Variants in CYRIA observed in about 807,000 individuals in gnomAD.
The protein encoded by CYRIA is CYFIP related Rac1 interactor A.
Under a neutral mutation model 43.9 loss-of-function variants are expected in CYRIA, and 15 were observed. That is an observed-to-expected ratio of 0.34 (90% CI 0.23 to 0.53). The LOEUF is 0.53. Among genes scored for constraint, CYRIA ranks in the 20% least tolerant of loss-of-function variants. The pLI is 0.94. For missense variants in CYRIA, 236 were observed against 394.2 expected (o/e 0.60, Z 3.40); for synonymous variants, 117 against 136.0 (o/e 0.86, Z 0.97).
intron 2 of CYRIA, among the ~76,000 whole-genome samples, chr2:16,615,163 C>A (rs1397465605): frequency 1.3e-5 from 2 of 152,206 alleles, no homozygotes; most frequent in Non-Finnish European, 2.9e-5. Context: ...GAGCTTATTA[C>A]AAATGCAGTC....
At chr2:16,658,694 T>G (rs1215013923) in intron 1 of CYRIA, among the ~76,000 whole-genome samples, 1 of 152,224 alleles carries the variant, frequency 6.6e-6, no homozygotes, top group Non-Finnish European at 1.5e-5. Flanking sequence ...CTTTCTTTCC[T>G]TTCCTTTTTT....
chr2:16,661,258 G>A (rs1463172767), intron 1 of CYRIA, among the ~76,000 whole-genome samples: 2 of 152,134 alleles, frequency 1.3e-5, no homozygotes, highest in Non-Finnish European at 2.9e-5. Context: ...CTGGGTGACA[G>A]AGCAAGACCC....
chr2:16,659,717 A>G (rs1670198443), intron 1 of CYRIA, among the ~76,000 whole-genome samples: 2 of 152,218 alleles, frequency 1.3e-5, no homozygotes, highest in African/African-American at 4.8e-5. Flanking sequence ...TGTTGGGATA[A>G]GAGCTTGTCA....
intron 2 of CYRIA, among the ~76,000 whole-genome samples, chr2:16,613,000 G>A (rs1424147070): frequency 6.6e-6 from 1 of 152,186 alleles, no homozygotes; most frequent in Non-Finnish European, 1.5e-5. Flanking sequence ...GCCTGCTACC[G>A]TGTAAGATGT....
intron 1 of CYRIA, among the ~76,000 whole-genome samples, chr2:16,664,144 C>T (rs570780390): frequency 6.6e-6 from 1 of 152,206 alleles, no homozygotes; most frequent in East Asian, 1.9e-4. Flanking sequence ...AGGCAGTATG[C>T]GCCCACTATG....
chr2:16,647,991 C>T (rs915239660), intron 1 of CYRIA, among the ~76,000 whole-genome samples: 1 of 152,340 alleles, frequency 6.6e-6, no homozygotes, highest in Admixed American at 6.5e-5. Flanking sequence ...CCTGACCTCC[C>T]GGGCTGTAAA....
At chr2:16,610,151 T>C (rs1437830303) in intron 2 of CYRIA, among the ~76,000 whole-genome samples, 1 of 152,220 alleles carries the variant, frequency 6.6e-6, no homozygotes, top group African/African-American at 2.4e-5. Context: ...GCTAAATACA[T>C]ATAGTGTCAT....
chr2:16,569,495 T>G (rs1444731042), intron 3 of CYRIA, among the ~76,000 whole-genome samples: 1 of 152,180 alleles, frequency 6.6e-6, no homozygotes, highest in Non-Finnish European at 1.5e-5. Context: ...CTTCCTTCTT[T>G]CCTGTCATGA....
intron 1 of CYRIA, among the ~76,000 whole-genome samples, chr2:16,625,500 A>C (rs1178598219): frequency 6.6e-6 from 1 of 152,230 alleles, no homozygotes; most frequent in African/African-American, 2.4e-5. Flanking sequence ...GTGATTTCTG[A>C]GTGGACGTTA....
chr2:16,627,124 G>C (rs1669194731), intron 1 of CYRIA, among the ~76,000 whole-genome samples: 1 of 152,236 alleles, frequency 6.6e-6, no homozygotes, highest in African/African-American at 2.4e-5. Context: ...ATTCAGGGGA[G>C]GGCTAGGGAA....
intron 2 of CYRIA, among the ~76,000 whole-genome samples, chr2:16,605,008 A>G (rs1197427388): frequency 6.6e-6 from 1 of 152,248 alleles, no homozygotes; most frequent in Non-Finnish European, 1.5e-5. Context: ...CTCAAATGAG[A>G]AAATGCCTTG....
chr2:16,646,825 G>T (rs551712580), intron 1 of CYRIA, among the ~76,000 whole-genome samples: 2 of 126,036 alleles, frequency 1.6e-5, no homozygotes, highest in Admixed American at 7.2e-5. Context: ...TGAATTAAAG[G>T]GGGGGGATTT....
intron 1 of CYRIA, among the ~76,000 whole-genome samples, chr2:16,652,247 A>AC (rs1669995413): frequency 6.6e-6 from 1 of 151,156 alleles, no homozygotes; most frequent in African/African-American, 2.4e-5. Flanking sequence ...GCTCTTACCT[A>AC]CCCCCCTCAC....
chr2:16,665,559 A>G (rs996913683), intron 1 of CYRIA, among the ~76,000 whole-genome samples: 18 of 152,026 alleles, frequency 1.2e-4, no homozygotes, highest in Non-Finnish European at 1.9e-4. Flanking sequence ...ACGGGGCACA[A>G]AGCCGGACCT....
chr2:16,611,278 T>G (rs528494710), intron 2 of CYRIA, among the ~76,000 whole-genome samples: 1 of 151,892 alleles, frequency 6.6e-6, no homozygotes, highest in Non-Finnish European at 1.5e-5. Context: ...GGCAGGAGAA[T>G]TGCCTGAACC....
At chr2:16,580,587 G>A (rs769665522) in intron 3 of CYRIA, among the ~76,000 whole-genome samples, 1 of 152,236 alleles carries the variant, frequency 6.6e-6, no homozygotes, top group East Asian at 1.9e-4. Context: ...CCATAGATTT[G>A]ATGCAATTAT....
chr2:16,567,263 G>A (rs1666968029), intron 3 of CYRIA, among the ~76,000 whole-genome samples: 1 of 152,044 alleles, frequency 6.6e-6, no homozygotes, highest in Non-Finnish European at 1.5e-5. Context: ...AATTAGCTGG[G>A]CATGGTGGTG....
At chr2:16,633,107 T>C (rs928347410) in intron 1 of CYRIA, among the ~76,000 whole-genome samples, 2 of 152,190 alleles carry the variant, frequency 1.3e-5, no homozygotes, top group Non-Finnish European at 2.9e-5. Context: ...AGGGTACAAG[T>C]TCTTCCATAA....
At chr2:16,638,088 G>A (rs1393578645) in intron 1 of CYRIA, among the ~76,000 whole-genome samples, 1 of 152,192 alleles carries the variant, frequency 6.6e-6, no homozygotes, top group East Asian at 1.9e-4. Flanking sequence ...CCACACACCT[G>A]AATAGCACAC....
Sources: gnomAD v4.1 joint callset for allele counts (sites outside exome capture counted in the v4.1 genomes callset) on GRCh38, gnomAD v4.1.1 for gene constraint, MANE v1.5 for transcripts, NCBI Gene and HGNC (gene_info 2026-07-23, HGNC 2026-07-21) for gene names.